The following TGFBR2 variants were observed in gnomAD, a reference collection of about 807,000 sequenced individuals.
The protein encoded by TGFBR2 is TGF-beta receptor type-2.
Under a neutral mutation model 49.0 loss-of-function variants are expected in TGFBR2, and 18 were observed. The ratio of observed to expected loss-of-function variants is 0.37; its 90% CI spans 0.25 to 0.54. TGFBR2 has a LOEUF of 0.54. Ranked by LOEUF, TGFBR2 falls within the 20% of genes least tolerant of loss-of-function variation. TGFBR2 has a pLI of 0.85. For synonymous variants in TGFBR2, 282 were observed against 275.9 expected, an observed-to-expected ratio of 1.02 and a Z score of -0.22; for missense variants, 525 against 722.6, an observed-to-expected ratio of 0.73 and a Z score of 3.13.
intron 1 of TGFBR2, among the ~76,000 whole-genome samples, chr3:30,618,497 A>C (rs1698170893): frequency 6.6e-6 from 1 of 151,886 alleles, no homozygotes; most frequent in South Asian, 2.1e-4. Flanking sequence ...CGGCCTCCCA[A>C]AGTGCTGGGA....
intron 1 of TGFBR2, among the ~76,000 whole-genome samples, chr3:30,638,292 T>C (rs556449996): frequency 9.2e-5 from 14 of 152,352 alleles, no homozygotes; most frequent in Non-Finnish European, 1.3e-4. Context: ...GCATTGTCAT[T>C]TCACAGAGAT....
At chr3:30,641,829 G>A (rs1698650778) in intron 1 of TGFBR2, among the ~76,000 whole-genome samples, 1 of 152,008 alleles carries the variant, frequency 6.6e-6, no homozygotes, top group African/African-American at 2.4e-5. Context: ...TTACAGTGGT[G>A]CTCCTGGAGC....
rs116635223 is a variant in TGFBR2 at position 30,636,497 on chromosome 3, C to A, written c.95-8250C>A. Reference sequence around the variant, plus strand: ...TCACTTGAATGAAAGCTGCATGCATCTGCCATGACAGAATCTGCCTTGCAT... The same window carrying A: ...TCACTTGAATGAAAGCTGCATGCATATGCCATGACAGAATCTGCCTTGCAT... On this transcript the variant is annotated intron_variant, in intron 1 of 6. Transcript: ENST00000295754. Among the ~76,000 whole-genome samples, 639 of 152,212 alleles carry A rather than the reference C, an allele frequency of 4.2e-3. 2 individuals are homozygous for A. The highest frequency in any genetic ancestry group is 0.015 in the African/African-American group (608 of 41,518).
intron 1 of TGFBR2, among the ~76,000 whole-genome samples, chr3:30,636,986 C>T (rs1181976565): frequency 2.0e-5 from 3 of 151,274 alleles, no homozygotes; most frequent in South Asian, 2.1e-4. Context: ...ATGGCGTGAA[C>T]CTGGGAGGCA....
rs1344932934 is a variant in TGFBR2 at position 30,644,607 on chromosome 3, G to A, written c.95-140G>A. On this transcript the variant is annotated intron_variant, in intron 1 of 6. Coordinates refer to ENST00000295754, the MANE Select transcript of TGFBR2 (RefSeq NM_003242.6). ...ATACACCAGATAATTCTAATCTGAT[G>A]TGAAGGAATTATTTTGCCTTTCTTC... 23 of 789,390 alleles carry A rather than the reference G, an allele frequency of 2.9e-5. No homozygotes were observed. In the Admixed American group the frequency reaches 4.4e-4, roughly 15 times the overall value. The allele number at this position is 789,390 out of a possible 1,614,324, so 48.9% of individuals were successfully genotyped here. A position where few individuals can be genotyped will look rare whatever the true frequency, so the allele number is the denominator to read the frequency against.
chr3:30,622,734 G>C (rs138986035), intron 1 of TGFBR2, among the ~76,000 whole-genome samples: 7 of 151,872 alleles, frequency 4.6e-5, no homozygotes, highest in African/African-American at 1.7e-4. Context: ...ACAAAAATTA[G>C]CTAGGAGTGG....
chr3:30,652,162 T>G (rs999473423), intron 3 of TGFBR2, among the ~76,000 whole-genome samples: 1 of 152,094 alleles, frequency 6.6e-6, no homozygotes, highest in African/African-American at 2.4e-5. Context: ...GCTTTCCAGA[T>G]TACTCTTCCT....
intron 3 of TGFBR2, among the ~76,000 whole-genome samples, chr3:30,659,102 C>T (rs1367763347): frequency 6.6e-6 from 1 of 152,178 alleles, no homozygotes; most frequent in Non-Finnish European, 1.5e-5. Flanking sequence ...GTTTTGGTAG[C>T]TCTGGGGGAT....
intron 1 of TGFBR2, among the ~76,000 whole-genome samples, chr3:30,642,398 A>G (rs79410807): frequency 0.022 from 3,365 of 152,296 alleles, 58 homozygotes; most frequent in Middle Eastern, 0.061. Context: ...GTTCCACATT[A>G]GAATCATCTG....
rs764533083 is a variant in TGFBR2 at position 30,644,740 on chromosome 3, T to C, written c.95-7T>C. The stretch of plus-strand genomic sequence containing the variant: ...TAATCATTTAATATATCTTTCTCTC[T>C]CCTCAGTTAATAACGACATGATAGT... On this transcript the variant is annotated splice_polypyrimidine_tract_variant and splice_region_variant and intron_variant, in intron 1 of 6. Coordinates refer to ENST00000295754, the MANE Select transcript of TGFBR2 (RefSeq NM_003242.6). 52 of 1,613,734 alleles carry C rather than the reference T, an allele frequency of 3.2e-5. No homozygotes were observed. Among genetic ancestry groups the C allele is most frequent in the Non-Finnish European group, 8.5e-6 (10 of 1,179,812 alleles).
intron 6 of TGFBR2, among the ~76,000 whole-genome samples, chr3:30,688,990 G>A (rs1182580837): frequency 6.6e-6 from 1 of 152,188 alleles, no homozygotes; most frequent in Non-Finnish European, 1.5e-5. Flanking sequence ...GTGTTTGCAG[G>A]CTGTGCTCAC....
intron 1 of TGFBR2, among the ~76,000 whole-genome samples, chr3:30,608,789 A>G (rs1697983242): frequency 6.6e-6 from 1 of 152,236 alleles, no homozygotes; most frequent in Non-Finnish European, 1.5e-5. Context: ...TTTTTCCTGC[A>G]TTGCAGTACC....
intron 1 of TGFBR2, among the ~76,000 whole-genome samples, chr3:30,607,794 A>T (rs1697949919): frequency 7.8e-6 from 1 of 128,402 alleles, no homozygotes; most frequent in Non-Finnish European, 1.6e-5. Flanking sequence ...AAATAAAAAT[A>T]AAAAAATATA....
chr3:30,613,325 T>C (rs547428318), intron 1 of TGFBR2, among the ~76,000 whole-genome samples: 2 of 152,154 alleles, frequency 1.3e-5, no homozygotes, highest in Admixed American at 1.3e-4. Flanking sequence ...GGCCTTCCAG[T>C]CTTACTCTCT....
chr3:30,688,575 A>T (rs1030522214), intron 6 of TGFBR2, 64 bp downstream of exon 6: 3 of 1,602,734 alleles, frequency 1.9e-6, no homozygotes, highest in Admixed American at 3.4e-5. Context: ...GGTGGCAGAG[A>T]ATTCTGGAAT....
At chr3:30,628,151 A>C (rs989984023) in intron 1 of TGFBR2, among the ~76,000 whole-genome samples, 1 of 137,100 alleles carries the variant, frequency 7.3e-6, no homozygotes, top group Non-Finnish European at 1.5e-5. Flanking sequence ...TTTTAGTTTT[A>C]ATCTTAAAAG....
At chr3:30,661,766 CT>C in intron 3 of TGFBR2, 1 of 347,454 alleles carries the variant, frequency 2.9e-6, no homozygotes, top group South Asian at 2.2e-5. Context: ...CTGCTGTAAT[CT>C]TTGCTACACA....
chr3:30,661,734 G>A (rs775874564), intron 3 of TGFBR2: 7 of 369,786 alleles, frequency 1.9e-5, no homozygotes, highest in Non-Finnish European at 3.7e-5. Flanking sequence ...AACTCCACTT[G>A]GTGGAAGAGG....
intron 1 of TGFBR2, among the ~76,000 whole-genome samples, chr3:30,636,997 G>C (rs1698548191): frequency 6.6e-6 from 1 of 150,920 alleles, no homozygotes; most frequent in Non-Finnish European, 1.5e-5. Flanking sequence ...CTGGGAGGCA[G>C]AGCTTATAGT....
Sources: allele counts gnomAD v4.1 joint callset (sites outside exome capture counted in the v4.1 genomes callset), GRCh38; gene constraint gnomAD v4.1.1; transcripts MANE v1.5; gene names NCBI Gene and HGNC (gene_info 2026-07-23, HGNC 2026-07-21).